The following RGS7 variants were observed in gnomAD, a reference collection of about 807,000 sequenced individuals.
RGS7 encodes the protein regulator of G-protein signaling 7.
A neutral mutation model predicts 81.1 loss-of-function variants in RGS7; 27 were observed. That is an observed-to-expected ratio of 0.33 (90% CI 0.25 to 0.46). The LOEUF (loss-of-function observed/expected upper bound fraction) is 0.46. RGS7 is among the 20% of genes least tolerant of loss of function. The probability of loss-of-function intolerance (pLI) is 1.00; values close to 1 mark genes in which losing one functional copy is unlikely to be tolerated. For synonymous variants in RGS7, 208 were observed against 207.7 expected (o/e 1.00, Z -0.01); for missense variants, 396 against 607.4 (o/e 0.65, Z 3.66).
intron 2 of RGS7, among the ~76,000 whole-genome samples, chr1:241,217,340 A>G (rs1296623434): frequency 6.6e-6 from 1 of 152,180 alleles, no homozygotes; most frequent in African/African-American, 2.4e-5. Flanking sequence ...GAGAAAATAA[A>G]TGTCTGTTGT....
intron 2 of RGS7, among the ~76,000 whole-genome samples, chr1:241,099,328 C>G (rs976812316): frequency 7.1e-6 from 1 of 140,534 alleles, no homozygotes; most frequent in Admixed American, 6.9e-5. Context: ...CATACACACT[C>G]TCATGCACAT....
intron 2 of RGS7, among the ~76,000 whole-genome samples, chr1:241,343,329 C>T (rs1323303708): frequency 6.6e-6 from 1 of 151,604 alleles, no homozygotes; most frequent in East Asian, 1.9e-4. Flanking sequence ...GGGTGTATAC[C>T]AAAAGAACTG....
intron 2 of RGS7, among the ~76,000 whole-genome samples, chr1:241,245,331 T>C (rs148669359): frequency 3.3e-5 from 5 of 151,790 alleles, no homozygotes; most frequent in Non-Finnish European, 7.4e-5. Context: ...TTTAAAAGTG[T>C]ATAGCACCTC....
intron 2 of RGS7, among the ~76,000 whole-genome samples, chr1:241,135,904 T>A (rs1356127984): frequency 4.0e-5 from 6 of 150,030 alleles, no homozygotes; most frequent in African/African-American, 1.5e-4. Flanking sequence ...ACCTGACCAG[T>A]AGCCTTTCTT....
chr1:241,132,961 ACCGTGTTAG>A (rs953146532), intron 2 of RGS7, among the ~76,000 whole-genome samples: 12 of 152,022 alleles, frequency 7.9e-5, no homozygotes, highest in East Asian at 3.9e-4. Flanking sequence ...ATGGGGTTTC[ACCGTGTTAG>A]CCAGGATGGT....
intron 3 of RGS7, among the ~76,000 whole-genome samples, chr1:241,026,209 C>A (rs116799911): frequency 0.013 from 2,018 of 152,288 alleles, 37 homozygotes; most frequent in African/African-American, 0.046. Flanking sequence ...GTGCCTCACA[C>A]ACAGAGGGAA....
chr1:241,252,561 C>T (rs2076885251), intron 2 of RGS7, among the ~76,000 whole-genome samples: 1 of 152,096 alleles, frequency 6.6e-6, no homozygotes, highest in Admixed American at 6.5e-5. Flanking sequence ...TTCTCGGTTT[C>T]CCAAGTAACC....
intron 2 of RGS7, among the ~76,000 whole-genome samples, chr1:241,238,970 T>C (rs78467809): frequency 1.6e-3 from 151 of 96,222 alleles, no homozygotes; most frequent in East Asian, 5.3e-3. Context: ...CTCTCTCTTT[T>C]TTTTTTTTTT....
At chr1:240,871,666 G>A (rs751288359) in intron 6 of RGS7, among the ~76,000 whole-genome samples, 9 of 152,162 alleles carry the variant, frequency 5.9e-5, no homozygotes, top group Non-Finnish European at 1.0e-4. Context: ...GCTCACTCCC[G>A]AAGGATCTCT....
intron 2 of RGS7, among the ~76,000 whole-genome samples, chr1:241,317,705 T>C (rs2080965060): frequency 6.6e-6 from 1 of 152,208 alleles, no homozygotes; most frequent in Non-Finnish European, 1.5e-5. Context: ...GAAAATATCA[T>C]GGAATAAACA....
At position 241,196,918 on chromosome 1, in the gene RGS7, G is replaced by C. The variant is rs149046604; in HGVS notation, c.79-98156C>G. Among the ~76,000 whole-genome samples the C allele has an allele frequency of 5.0e-4, 73 of 146,232 alleles. 2 individuals carry two copies. In the East Asian group the frequency reaches 0.014, roughly 28 times the overall value. ...GGTAAGCACTAATACAATGGTAAAA[G>C]AATGTGTATCTGACCAGCTAGTACT... On this transcript the variant is annotated intron_variant, in intron 2 of 18. Coordinates refer to ENST00000440928, the MANE Select transcript of RGS7 (RefSeq NM_001364886.1).
intron 18 of RGS7, among the ~76,000 whole-genome samples, chr1:240,789,958 G>A (rs891242230): frequency 2.0e-5 from 3 of 152,048 alleles, no homozygotes; most frequent in African/African-American, 7.2e-5. Flanking sequence ...GGAACCTGCC[G>A]ACATGTGATA....
At chr1:240,999,808 G>A (rs900621722) in intron 3 of RGS7, among the ~76,000 whole-genome samples, 4 of 151,800 alleles carry the variant, frequency 2.6e-5, no homozygotes, top group Admixed American at 6.6e-5. Context: ...TCGCCATGTC[G>A]GCCAGGCTGT....
chr1:241,245,254 C>A (rs893019606), intron 2 of RGS7, among the ~76,000 whole-genome samples: 3 of 152,052 alleles, frequency 2.0e-5, no homozygotes, highest in African/African-American at 4.8e-5. Context: ...CATGAGGATG[C>A]TTTCTTATGG....
intron 2 of RGS7, among the ~76,000 whole-genome samples, chr1:241,173,216 A>T (rs1195812444): frequency 1.3e-5 from 2 of 152,296 alleles, no homozygotes; most frequent in East Asian, 3.9e-4. Flanking sequence ...TGACTCTGTG[A>T]ACTCCATCCT....
At chr1:241,356,682 G>A (rs1323054968) in intron 1 of RGS7, among the ~76,000 whole-genome samples, 8 of 151,486 alleles carry the variant, frequency 5.3e-5, no homozygotes, top group African/African-American at 1.2e-4. Context: ...CCTGTGCCCC[G>A]CGCCGCGGCG....
intron 2 of RGS7, among the ~76,000 whole-genome samples, chr1:241,308,871 A>G (rs1415598657): frequency 6.6e-6 from 1 of 152,156 alleles, no homozygotes; most frequent in Non-Finnish European, 1.5e-5. Context: ...ATTTTTTAAA[A>G]AATTGCAGGA....
chr1:241,125,527 C>A (rs2066598025), intron 2 of RGS7, among the ~76,000 whole-genome samples: 1 of 152,104 alleles, frequency 6.6e-6, no homozygotes, highest in Non-Finnish European at 1.5e-5. Flanking sequence ...GAACAGCATC[C>A]CTCCCACTCA....
At chr1:241,342,783 T>C (rs1468486013) in intron 2 of RGS7, among the ~76,000 whole-genome samples, 1 of 152,144 alleles carries the variant, frequency 6.6e-6, no homozygotes, top group African/African-American at 2.4e-5. Context: ...GCTCCATCAT[T>C]AGGGAAATGT....
Sources: gnomAD v4.1 joint callset for allele counts (sites outside exome capture counted in the v4.1 genomes callset) on GRCh38, gnomAD v4.1.1 for gene constraint, MANE v1.5 for transcripts, NCBI Gene and HGNC (gene_info 2026-07-23, HGNC 2026-07-21) for gene names.